Variants in PTN observed in about 807,000 individuals in gnomAD.
PTN encodes pleiotrophin, also known as heparin affin regulatory protein.
PTN carries 18 observed loss-of-function variants against 24.1 expected under a neutral mutation model. The observed-to-expected ratio is 0.75, with a 90% CI of 0.52 to 1.11. The LOEUF (loss-of-function observed/expected upper bound fraction) is 1.11, where lower values mean the gene tolerates loss of function less well. Among genes scored for constraint, PTN ranks in the 50% least tolerant of loss-of-function variants. The pLI, the probability that PTN is intolerant of heterozygous loss-of-function variation, is 0.00. For synonymous variants in PTN, 78 were observed against 68.6 expected, an observed-to-expected ratio of 1.14 and a Z score of -0.67; for missense variants, 163 against 198.8, an observed-to-expected ratio of 0.82 and a Z score of 1.08.
At chr7:137,317,856 A>G (rs144013634) in intron 1 of PTN, among the ~76,000 whole-genome samples, 3 of 152,316 alleles carry the variant, frequency 2.0e-5, no homozygotes, top group Middle Eastern at 6.8e-3. Flanking sequence ...GACCAAAGAC[A>G]GGTGAGCGAG....
At chr7:137,328,377 C>T (rs1810296788) in intron 1 of PTN, among the ~76,000 whole-genome samples, 1 of 152,200 alleles carries the variant, frequency 6.6e-6, no homozygotes, top group Non-Finnish European at 1.5e-5. Context: ...CAACAGGCTG[C>T]AGGGCATGGA....
chr7:137,282,534 T>C (rs777127401), intron 1 of PTN, among the ~76,000 whole-genome samples: 8 of 152,116 alleles, frequency 5.3e-5, no homozygotes, highest in African/African-American at 7.2e-5. Flanking sequence ...GCCATGATAG[T>C]CAGAGCAGCC....
In PTN at chr7:137,320,763, A is replaced by G. The variant is rs552761855; in HGVS notation, c.-2+22676T>C. On this transcript the variant is annotated intron_variant, in intron 1 of 4. Transcript: ENST00000348225. ...ATGATTTTCTGACACTGGCTTGTCA[A>G]TTGAATTTTATTCCTAACAGCAGTT... 3.0e-4 allele frequency among the ~76,000 whole-genome samples: 45 copies of G among 152,216 alleles called. No individual in the cohort carries two copies. In the South Asian group the frequency reaches 8.5e-3, roughly 29 times the overall value.
At chr7:137,274,769 A>G (rs771206193) in intron 1 of PTN, among the ~76,000 whole-genome samples, 12 of 152,220 alleles carry the variant, frequency 7.9e-5, no homozygotes, top group Non-Finnish European at 1.5e-4. Context: ...AAATGATTTC[A>G]TCTTGTCATC....
At chr7:137,289,437 G>A (rs322256) in intron 1 of PTN, among the ~76,000 whole-genome samples, 39,647 of 152,108 alleles carry the variant, frequency 0.26, 6,632 homozygotes, top group East Asian at 0.53. Context: ...GAGCAACCAC[G>A]AATCCAAGTG....
At chr7:137,321,889 A>C (rs939714616) in intron 1 of PTN, among the ~76,000 whole-genome samples, 1 of 152,200 alleles carries the variant, frequency 6.6e-6, no homozygotes. Context: ...TGTGACTAGG[A>C]TAAGTAAAAA....
intron 4 of PTN, among the ~76,000 whole-genome samples, chr7:137,249,250 T>C (rs182511216): frequency 1.4e-3 from 215 of 150,844 alleles, no homozygotes; most frequent in African/African-American, 5.0e-3. Context: ...CTCTTTCCCA[T>C]AGGAAAGAAC....
chr7:137,323,268 G>A (rs947201546), intron 1 of PTN, among the ~76,000 whole-genome samples: 1 of 152,092 alleles, frequency 6.6e-6, no homozygotes, highest in Non-Finnish European at 1.5e-5. Context: ...GGATGTGATG[G>A]GTCACCAACT....
At chr7:137,339,654 A>G (rs1217822149) in intron 1 of PTN, among the ~76,000 whole-genome samples, 3 of 152,074 alleles carry the variant, frequency 2.0e-5, no homozygotes, top group Non-Finnish European at 4.4e-5. Context: ...GGAAGGTCCA[A>G]GCTTCCAAGA....
chr7:137,236,535 T>C (rs957823254), intron 4 of PTN, among the ~76,000 whole-genome samples: 1 of 152,110 alleles, frequency 6.6e-6, no homozygotes, highest in Non-Finnish European at 1.5e-5. Flanking sequence ...TAATGCCGAG[T>C]TTCTTTTGTT....
chr7:137,296,989 A>C (rs1809729198), intron 1 of PTN, among the ~76,000 whole-genome samples: 1 of 152,108 alleles, frequency 6.6e-6, no homozygotes, highest in Admixed American at 6.6e-5. Context: ...TTCAAAAAGT[A>C]TTCCAAATCA....
At chr7:137,332,551 T>C (rs1810376685) in intron 1 of PTN, among the ~76,000 whole-genome samples, 1 of 152,158 alleles carries the variant, frequency 6.6e-6, no homozygotes, top group African/African-American at 2.4e-5. Context: ...AAGAAAGGCT[T>C]TATTTTATTG....
At chr7:137,247,619 T>A (rs1478394651) in intron 4 of PTN, among the ~76,000 whole-genome samples, 1 of 152,140 alleles carries the variant, frequency 6.6e-6, no homozygotes, top group African/African-American at 2.4e-5. Flanking sequence ...ATATAGTCAA[T>A]AATAAGTGTA....
chr7:137,251,214 A>G lies in PTN; in HGVS notation c.451+16T>C. 5.0e-6 allele frequency: 8 copies of G among 1,613,118 alleles called. No homozygotes were observed. Among genetic ancestry groups the G allele is most frequent in the Non-Finnish European group, 6.8e-6 (8 of 1,179,150 alleles). ...CATCAATCCATTAAAATTGTGGTAT[A>G]ATGGCAAGGACTTACCTTGAGGTTT... On this transcript the variant is annotated intron_variant, in intron 4 of 4. Transcript: ENST00000348225.
In PTN at chr7:137,251,303, C is replaced by G; in HGVS notation, c.378G>C (p.Leu126=). Residue 126 remains leucine (L), a synonymous_variant, in exon 4 of 5, where the codon CTG becomes CTC. Coordinates refer to ENST00000348225, the MANE Select transcript of PTN (RefSeq NM_002825.7). ...KTRTGSLKRA[L]HNAECQKTVT... ...CAGTCTTCTGGCATTCGGCATTGTG[C>G]AGGGCTCGCTTCAGACTTCCAGTTC... 1 of 1,614,112 alleles carries G rather than the reference C, an allele frequency of 6.2e-7. No individual in the cohort carries two copies. Among genetic ancestry groups the G allele is most frequent in the Non-Finnish European group, 8.5e-7 (1 of 1,180,016 alleles).
intron 1 of PTN, among the ~76,000 whole-genome samples, chr7:137,317,606 T>C (rs569212949): frequency 8.8e-4 from 134 of 152,324 alleles, no homozygotes; most frequent in African/African-American, 3.0e-3. Context: ...TCCTACAGCA[T>C]TTGTTGTATT....
intron 4 of PTN, 121 bp downstream of exon 4, chr7:137,251,109 G>A: frequency 4.1e-6 from 5 of 1,226,862 alleles, no homozygotes; most frequent in Non-Finnish European, 4.6e-6. Context: ...GTGTAGGGGA[G>A]TTTTTCAGTC....
chr7:137,307,120 G>A (rs923248504), intron 1 of PTN, among the ~76,000 whole-genome samples: 1 of 152,074 alleles, frequency 6.6e-6, no homozygotes, highest in Non-Finnish European at 1.5e-5. Flanking sequence ...TTTGAATAAC[G>A]AATTTAAAGT....
At position 137,247,280 on chromosome 7, in the gene PTN, G is replaced by A. The variant is rs116903398; in HGVS notation, c.451+3950C>T. On this transcript the variant is annotated intron_variant, in intron 4 of 4. Coordinates refer to ENST00000348225, the MANE Select transcript of PTN (RefSeq NM_002825.7). ...GGAAGCAACGTAAGTGGCCATCAAC[G>A]GATGAACAGATAAAGAAAATGTGGT... 3.6e-3 allele frequency among the ~76,000 whole-genome samples: 551 copies of A among 152,232 alleles called. 20 individuals are homozygous for A. The East Asian group carries it at 0.05, about 14-fold the overall frequency.
Sources: gnomAD v4.1 joint callset for allele counts (sites outside exome capture counted in the v4.1 genomes callset) on GRCh38, gnomAD v4.1.1 for gene constraint, MANE v1.5 for transcripts, NCBI Gene and HGNC (gene_info 2026-07-23, HGNC 2026-07-21) for gene names.